Variants in LRRC4C observed in about 807,000 individuals in gnomAD.
LRRC4C encodes the protein leucine-rich repeat-containing protein 4C.
A neutral mutation model predicts 33.6 loss-of-function variants in LRRC4C; 5 were observed. The observed-to-expected ratio is 0.15, with a 90% CI of 0.08 to 0.31. LRRC4C has a LOEUF of 0.31. LRRC4C is among the 10% of genes least tolerant of loss of function. The pLI is 1.00. For missense variants in LRRC4C, 560 were observed against 796.7 expected (o/e 0.70, Z 3.58); for synonymous variants, 329 against 302.0 (o/e 1.09, Z -0.93).
chr11:40,380,221 G>A (rs375290437), intron 3 of LRRC4C, among the ~76,000 whole-genome samples: 52 of 152,224 alleles, frequency 3.4e-4, no homozygotes, highest in South Asian at 2.1e-4. Context: ...TGAAACAGGC[G>A]TTCTAGATGG....
intron 3 of LRRC4C, among the ~76,000 whole-genome samples, chr11:40,561,305 T>C (rs905651122): frequency 6.6e-6 from 1 of 152,102 alleles, no homozygotes; most frequent in Non-Finnish European, 1.5e-5. Flanking sequence ...AATGAAGGGA[T>C]TGGACTGCAG....
chr11:40,734,149 A>G (rs1947740369), intron 2 of LRRC4C, among the ~76,000 whole-genome samples: 1 of 152,148 alleles, frequency 6.6e-6, no homozygotes, highest in Non-Finnish European at 1.5e-5. Flanking sequence ...ATATCCTAAA[A>G]TCAATGCTTT....
chr11:40,587,196 T>C (rs1394776837), intron 3 of LRRC4C, among the ~76,000 whole-genome samples: 5 of 151,864 alleles, frequency 3.3e-5, no homozygotes, highest in Non-Finnish European at 1.5e-5. Flanking sequence ...TTCACTTCCC[T>C]TGTAAGTTGG....
chr11:40,498,595 T>C (rs1185213520), intron 3 of LRRC4C, among the ~76,000 whole-genome samples: 1 of 152,208 alleles, frequency 6.6e-6, no homozygotes, highest in Non-Finnish European at 1.5e-5. Flanking sequence ...ATTAGTATAT[T>C]TGGCTCTTGG....
chr11:41,090,740 C>T (rs1205528333), intron 1 of LRRC4C, among the ~76,000 whole-genome samples: 5 of 152,090 alleles, frequency 3.3e-5, no homozygotes, highest in East Asian at 1.9e-4. Context: ...GATGTTCCTG[C>T]GATAGTGAGT....
chr11:40,468,876 A>C (rs1746346041), intron 3 of LRRC4C, among the ~76,000 whole-genome samples: 1 of 152,222 alleles, frequency 6.6e-6, no homozygotes, highest in African/African-American at 2.4e-5. Flanking sequence ...CTGTATTCTA[A>C]TAACTTAAGA....
At chr11:40,321,654 C>T (rs1337742237) in intron 3 of LRRC4C, among the ~76,000 whole-genome samples, 1 of 152,146 alleles carries the variant, frequency 6.6e-6, no homozygotes, top group Non-Finnish European at 1.5e-5. Context: ...CACTACAAAG[C>T]TTGATGGCTA....
intron 3 of LRRC4C, among the ~76,000 whole-genome samples, chr11:40,416,115 CAGAG>C (rs1270062044): frequency 3.3e-5 from 5 of 152,090 alleles, no homozygotes; most frequent in Non-Finnish European, 5.9e-5. Context: ...CTGAGAGAGG[CAGAG>C]AAAGAGAGGG....
chr11:40,716,679 C>T (rs1444013657), intron 2 of LRRC4C, among the ~76,000 whole-genome samples: 1 of 152,116 alleles, frequency 6.6e-6, no homozygotes, highest in Non-Finnish European at 1.5e-5. Flanking sequence ...CTCAATACCT[C>T]ATTTTATAAC....
At chr11:41,378,483 C>T (rs972130231) in intron 1 of LRRC4C, among the ~76,000 whole-genome samples, 22 of 151,982 alleles carry the variant, frequency 1.4e-4, no homozygotes, top group Non-Finnish European at 2.1e-4. Context: ...ATTTTTACAG[C>T]GGAGAGCAGA....
intron 1 of LRRC4C, among the ~76,000 whole-genome samples, chr11:41,070,808 C>G (rs1938620880): frequency 6.6e-6 from 1 of 152,126 alleles, no homozygotes; most frequent in African/African-American, 2.4e-5. Flanking sequence ...CACTTCTACA[C>G]TGTTGGTGGG....
intron 3 of LRRC4C, among the ~76,000 whole-genome samples, chr11:40,576,511 A>G (rs1958199713): frequency 6.6e-6 from 1 of 152,238 alleles, no homozygotes; most frequent in Admixed American, 6.5e-5. Flanking sequence ...CTGATCCCTG[A>G]AAGTGGCATC....
intron 1 of LRRC4C, among the ~76,000 whole-genome samples, chr11:41,095,384 T>C (rs1940744878): frequency 6.6e-6 from 1 of 152,052 alleles, no homozygotes; most frequent in Non-Finnish European, 1.5e-5. Flanking sequence ...GGACACAGAG[T>C]CAAACTGTAT....
intron 2 of LRRC4C, among the ~76,000 whole-genome samples, chr11:40,735,731 C>T (rs929990889): frequency 2.0e-5 from 3 of 148,734 alleles, no homozygotes; most frequent in African/African-American, 2.5e-5. Flanking sequence ...GAGGAATCAC[C>T]GCACTGACTT....
intron 2 of LRRC4C, among the ~76,000 whole-genome samples, chr11:40,825,775 A>G (rs1952136370): frequency 6.6e-6 from 1 of 151,758 alleles, no homozygotes; most frequent in South Asian, 2.1e-4. Context: ...GAGTCCACTT[A>G]GTGTTGACAC....
At chr11:41,348,276 T>G (rs1443673978) in intron 1 of LRRC4C, among the ~76,000 whole-genome samples, 1 of 152,168 alleles carries the variant, frequency 6.6e-6, no homozygotes, top group Non-Finnish European at 1.5e-5. Flanking sequence ...ATAACTCCAT[T>G]CCATAAAACA....
At chr11:40,141,607 C>A (rs1006416992) in intron 5 of LRRC4C, among the ~76,000 whole-genome samples, 10 of 152,046 alleles carry the variant, frequency 6.6e-5, no homozygotes, top group Non-Finnish European at 1.2e-4. Context: ...TAGAAAGATC[C>A]CTCACAATTA....
intron 1 of LRRC4C, among the ~76,000 whole-genome samples, chr11:41,292,854 A>C (rs1051770222): frequency 2.0e-5 from 3 of 152,152 alleles, no homozygotes; most frequent in African/African-American, 7.2e-5. Context: ...AAATATAGTA[A>C]TATGTATCTA....
intron 3 of LRRC4C, among the ~76,000 whole-genome samples, chr11:40,419,073 C>A (rs771406195): frequency 5.7e-4 from 87 of 152,106 alleles, no homozygotes; most frequent in African/African-American, 1.9e-3. Flanking sequence ...ACCAACATGG[C>A]ACACATTTAC....
Sources: gnomAD v4.1 joint callset for allele counts (sites outside exome capture counted in the v4.1 genomes callset) on GRCh38, gnomAD v4.1.1 for gene constraint, MANE v1.5 for transcripts, NCBI Gene and HGNC (gene_info 2026-07-23, HGNC 2026-07-21) for gene names.